BMAL1: variants seen among roughly 807,000 people sequenced by gnomAD.
BMAL1 encodes the protein basic helix-loop-helix ARNT-like protein 1.
At chr11:13,355,579 C>T in the BMAL1 span, among the ~76,000 whole-genome samples, 8 of 152,306 alleles carry the variant, frequency 5.3e-5, no homozygotes, top group Non-Finnish European at 1.0e-4. Flanking sequence ...ATTAATTAAG[C>T]AACCTTAATC....
At chr11:13,363,219 TAAAAC>T in the BMAL1 span, among the ~76,000 whole-genome samples, 20 of 148,404 alleles carry the variant, frequency 1.3e-4, no homozygotes, top group East Asian at 1.2e-3. Flanking sequence ...TAAAAATAAA[TAAAAC>T]AAGCTCCTTT....
chr11:13,356,934 C>T, the BMAL1 span: 15 of 1,586,330 alleles, frequency 9.5e-6, no homozygotes, highest in East Asian at 2.3e-4. Flanking sequence ...CTCCAACCCC[C>T]AGTCCCCTTG....
the BMAL1 span, chr11:13,386,557 AAAAAG>A: frequency 6.6e-7 from 1 of 1,508,370 alleles, no homozygotes; most frequent in African/African-American, 1.4e-5. Context: ...AGATGCTTTA[AAAAAG>A]AAATCACTGA....
At chr11:13,348,680 A>G in the BMAL1 span, among the ~76,000 whole-genome samples, 1 of 152,166 alleles carries the variant, frequency 6.6e-6, no homozygotes, top group South Asian at 2.1e-4. Context: ...CTGCTGCTTT[A>G]CCAGTTGAGG....
At chr11:13,382,867 T>C in the BMAL1 span, among the ~76,000 whole-genome samples, 1 of 152,126 alleles carries the variant, frequency 6.6e-6, no homozygotes, top group East Asian at 1.9e-4. Flanking sequence ...CTTCCAATTC[T>C]TTTCACATCA....
the BMAL1 span, among the ~76,000 whole-genome samples, chr11:13,311,977 A>G: frequency 6.6e-6 from 1 of 152,234 alleles, no homozygotes; most frequent in Non-Finnish European, 1.5e-5. Flanking sequence ...TCCTCCAGTC[A>G]TGATTTAATT....
the BMAL1 span, chr11:13,385,727 CCTA>C: frequency 1.2e-6 from 2 of 1,613,754 alleles, no homozygotes; most frequent in Middle Eastern, 1.7e-4. Context: ...CTTCCAGTGG[CCTA>C]CTATCAGGCC....
the BMAL1 span, among the ~76,000 whole-genome samples, chr11:13,368,396 C>T: frequency 1.3e-5 from 2 of 152,174 alleles, no homozygotes; most frequent in Admixed American, 1.3e-4. Context: ...GGTGTGGAGC[C>T]ACATGGCTTG....
chr11:13,352,423 CAG>C, the BMAL1 span, among the ~76,000 whole-genome samples: 1 of 152,108 alleles, frequency 6.6e-6, no homozygotes, highest in Non-Finnish European at 1.5e-5. Flanking sequence ...CAACGTAAGA[CAG>C]AGAAACGCCT....
the BMAL1 span, among the ~76,000 whole-genome samples, chr11:13,336,445 G>A: frequency 6.6e-6 from 1 of 152,116 alleles, no homozygotes; most frequent in Non-Finnish European, 1.5e-5. Flanking sequence ...GGGAGCTGTG[G>A]GCAGGTCCAA....
chr11:13,378,501 T>A, the BMAL1 span: 1 of 1,562,290 alleles, frequency 6.4e-7, no homozygotes, highest in Non-Finnish European at 8.7e-7. Context: ...CCCAGGGAAA[T>A]TTTTTCCCCC....
At chr11:13,311,845 A>T in the BMAL1 span, among the ~76,000 whole-genome samples, 6 of 152,258 alleles carry the variant, frequency 3.9e-5, no homozygotes, top group African/African-American at 1.2e-4. Flanking sequence ...ATGAGACAAG[A>T]TGTGATCTGT....
chr11:13,315,860 G>T, the BMAL1 span, among the ~76,000 whole-genome samples: 2 of 152,252 alleles, frequency 1.3e-5, no homozygotes, highest in African/African-American at 4.8e-5. Flanking sequence ...CATCACAGGA[G>T]GGTGGGCTAG....
chr11:13,339,645 A>C, the BMAL1 span, among the ~76,000 whole-genome samples: 2 of 151,996 alleles, frequency 1.3e-5, no homozygotes, highest in Admixed American at 6.6e-5. Flanking sequence ...CTGGTCCCCT[A>C]GCACTGGGCA....
the BMAL1 span, among the ~76,000 whole-genome samples, chr11:13,324,358 A>C: frequency 1.4e-5 from 2 of 144,708 alleles, no homozygotes; most frequent in African/African-American, 2.5e-5. Flanking sequence ...CTCTCTGCTC[A>C]CTCCATTTCA....
At chr11:13,385,801 A>G in the BMAL1 span, 5 of 1,595,800 alleles carry the variant, frequency 3.1e-6, no homozygotes, top group Non-Finnish European at 4.3e-6. Context: ...GGTAAGTGGC[A>G]TCATTATTCG....
the BMAL1 span, among the ~76,000 whole-genome samples, chr11:13,290,405 C>T: frequency 6.6e-6 from 1 of 152,148 alleles, no homozygotes; most frequent in East Asian, 1.9e-4. Flanking sequence ...TTGGATGTTT[C>T]ATCTGTCCTG....
the BMAL1 span, chr11:13,369,585 T>C: frequency 1.2e-6 from 2 of 1,612,860 alleles, no homozygotes; most frequent in Non-Finnish European, 1.7e-6. Context: ...AACACTGCTC[T>C]CAGTTTATCA....
the BMAL1 span, among the ~76,000 whole-genome samples, chr11:13,323,862 C>T: frequency 6.6e-6 from 1 of 152,144 alleles, no homozygotes; most frequent in Non-Finnish European, 1.5e-5. Context: ...AGTGATCCAC[C>T]CGCCTTGGCC....
Sources: gnomAD v4.1 joint callset for allele counts (sites outside exome capture counted in the v4.1 genomes callset) on GRCh38, gnomAD v4.1.1 for gene constraint, MANE v1.5 for transcripts, NCBI Gene and HGNC (gene_info 2026-07-23, HGNC 2026-07-21) for gene names.